The following PTPRD variants were observed in gnomAD, a reference collection of about 807,000 sequenced individuals.
The protein encoded by PTPRD is receptor-type tyrosine-protein phosphatase delta.
A neutral mutation model predicts 214.5 loss-of-function variants in PTPRD; 34 were observed. The ratio of observed to expected loss-of-function variants is 0.16; its 90% CI spans 0.12 to 0.21. The LOEUF is 0.21. PTPRD is among the 10% of genes least tolerant of loss of function. PTPRD has a pLI of 1.00. For synonymous variants in PTPRD, 1,128 were observed against 845.7 expected, an observed-to-expected ratio of 1.33 and a Z score of -5.79; for missense variants, 2,545 against 2,398.7, an observed-to-expected ratio of 1.06 and a Z score of -1.27.
intron 5 of PTPRD, among the ~76,000 whole-genome samples, chr9:9,854,693 A>C (rs993473033): frequency 6.6e-6 from 1 of 152,130 alleles, no homozygotes; most frequent in South Asian, 2.1e-4. Flanking sequence ...TTTGAATTAT[A>C]ATCCAGTTTT....
chr9:9,237,129 A>G (rs2099967317), intron 9 of PTPRD, among the ~76,000 whole-genome samples: 1 of 152,202 alleles, frequency 6.6e-6, no homozygotes, highest in Admixed American at 6.5e-5. Flanking sequence ...CTAAATATAG[A>G]GCACAGAAAT....
At chr9:10,072,717 G>C (rs1277312018) in intron 3 of PTPRD, among the ~76,000 whole-genome samples, 1 of 152,070 alleles carries the variant, frequency 6.6e-6, no homozygotes, top group Non-Finnish European at 1.5e-5. Context: ...CCTCTTGCTA[G>C]CTACATAGCG....
chr9:9,578,382 T>C (rs2089683884), intron 7 of PTPRD, among the ~76,000 whole-genome samples: 1 of 152,112 alleles, frequency 6.6e-6, no homozygotes, highest in Non-Finnish European at 1.5e-5. Flanking sequence ...TTGGAGAAAT[T>C]CATGAAATTG....
intron 5 of PTPRD, among the ~76,000 whole-genome samples, chr9:9,925,254 T>C (rs1414862658): frequency 6.6e-6 from 1 of 152,118 alleles, no homozygotes; most frequent in Admixed American, 6.6e-5. Context: ...AGAAAGTTCT[T>C]ATTACAGGGT....
Position 9,950,568 on chromosome 9 carries a change from C to CA in PTPRD, c.-471-11959dup, listed in dbSNP as rs1177897292. Reference sequence around the variant, plus strand: ...TGAAACCCCGTCTCTACTAAAAATACAAAAAATTAGCCGGGCGAGGTGGTG... The same window carrying CA: ...TGAAACCCCGTCTCTACTAAAAATACAAAAAAATTAGCCGGGCGAGGTGGTG... On this transcript the variant is annotated intron_variant, in intron 4 of 45. Coordinates refer to ENST00000381196, the MANE Select transcript of PTPRD (RefSeq NM_002839.4). Among the ~76,000 whole-genome samples the CA allele has an allele frequency of 2.8e-5, 2 of 70,764 alleles. 1 individual carries two copies. The highest frequency in any genetic ancestry group is 4.5e-5 in the Non-Finnish European group (2 of 44,766). 46.4% of individuals were successfully genotyped at this position (70,764 alleles called of 152,430 possible).
intron 11 of PTPRD, among the ~76,000 whole-genome samples, chr9:8,766,471 T>C (rs1250910141): frequency 6.6e-6 from 1 of 152,132 alleles, no homozygotes; most frequent in Non-Finnish European, 1.5e-5. Context: ...TGAACTTGAA[T>C]AAGTGCATTG....
In PTPRD at chr9:9,713,662, T is replaced by A. The variant is rs1442528912; in HGVS notation, c.-287+20871A>T. Among the ~76,000 whole-genome samples the A allele has an allele frequency of 2.0e-5, 3 of 152,114 alleles. No homozygotes were observed. In the South Asian group the frequency reaches 6.2e-4, roughly 32 times the overall value. ...TTAGAAAAATAAATGCAGAGCTTCA[T>A]AAATCACCGTTTCAAGAGATGAGGA... On this transcript the variant is annotated intron_variant, in intron 7 of 45. Coordinates refer to ENST00000381196, the MANE Select transcript of PTPRD (RefSeq NM_002839.4).
intron 7 of PTPRD, among the ~76,000 whole-genome samples, chr9:9,732,617 G>T (rs1335180272): frequency 6.6e-6 from 1 of 152,130 alleles, no homozygotes; most frequent in African/African-American, 2.4e-5. Context: ...TCTAGGATTT[G>T]TTATGATGGA....
chr9:9,308,953 C>T (rs963211087), intron 9 of PTPRD, among the ~76,000 whole-genome samples: 5 of 151,998 alleles, frequency 3.3e-5, no homozygotes, highest in African/African-American at 4.8e-5. Flanking sequence ...AGCACATTTT[C>T]CAGAAATATC....
At chr9:10,453,750 A>T (rs901129059) in intron 2 of PTPRD, among the ~76,000 whole-genome samples, 3 of 151,650 alleles carry the variant, frequency 2.0e-5, no homozygotes, top group African/African-American at 7.2e-5. Context: ...TGTAAACCAA[A>T]ACCATGTACC....
At chr9:10,242,380 T>C (rs1441547116) in intron 3 of PTPRD, among the ~76,000 whole-genome samples, 1 of 151,992 alleles carries the variant, frequency 6.6e-6, no homozygotes, top group African/African-American at 2.4e-5. Context: ...AAAGAGAGAT[T>C]AGAATAGGGC....
chr9:10,266,268 T>C (rs538216591), intron 3 of PTPRD, among the ~76,000 whole-genome samples: 175 of 152,110 alleles, frequency 1.2e-3, no homozygotes, highest in African/African-American at 3.8e-3. Context: ...AGAATTAAAA[T>C]AGCCCTTGAA....
At chr9:8,897,627 C>T (rs1471054830) in intron 11 of PTPRD, among the ~76,000 whole-genome samples, 1 of 152,158 alleles carries the variant, frequency 6.6e-6, no homozygotes, top group Non-Finnish European at 1.5e-5. Flanking sequence ...TCCAGGGGAA[C>T]CCAGGACTCA....
chr9:9,878,872 C>T (rs2067715347), intron 5 of PTPRD, among the ~76,000 whole-genome samples: 1 of 152,138 alleles, frequency 6.6e-6, no homozygotes, highest in Non-Finnish European at 1.5e-5. Context: ...TTACCTTCCT[C>T]CTTCCCTCCA....
At chr9:8,410,176 A>G (rs932046860) in intron 35 of PTPRD, among the ~76,000 whole-genome samples, 2 of 152,242 alleles carry the variant, frequency 1.3e-5, no homozygotes. Flanking sequence ...GGGAAGGGCT[A>G]TATTTTGCAC....
At chr9:8,713,963 G>C (rs1016000686) in intron 12 of PTPRD, 1 of 621,230 alleles carries the variant, frequency 1.6e-6, no homozygotes. Context: ...AGTGAGGCCT[G>C]ACCTTGGTAC....
chr9:8,681,366 GAA>G (rs2097546600), intron 12 of PTPRD, among the ~76,000 whole-genome samples: 1 of 152,078 alleles, frequency 6.6e-6, no homozygotes, highest in Non-Finnish European at 1.5e-5. Flanking sequence ...AAAAAAGAAA[GAA>G]AAAGAGAGGG....
At chr9:8,606,489 A>G (rs1486025094) in intron 14 of PTPRD, among the ~76,000 whole-genome samples, 1 of 152,198 alleles carries the variant, frequency 6.6e-6, no homozygotes, top group Non-Finnish European at 1.5e-5. Context: ...AAGAATCCAG[A>G]CCATATGATG....
intron 16 of PTPRD, 123 bp from the exon 17 acceptor site, chr9:8,526,767 A>G: frequency 1.4e-6 from 1 of 690,142 alleles, no homozygotes; most frequent in Non-Finnish European, 2.3e-6. Context: ...GTCTTAAAAG[A>G]AACTTGAATT....
Sources: allele counts gnomAD v4.1 joint callset (sites outside exome capture counted in the v4.1 genomes callset), GRCh38; gene constraint gnomAD v4.1.1; transcripts MANE v1.5; gene names NCBI Gene and HGNC (gene_info 2026-07-23, HGNC 2026-07-21).